The following PDE4D variants were observed in gnomAD, a reference collection of about 807,000 sequenced individuals.
PDE4D encodes 3',5'-cyclic-AMP phosphodiesterase 4D.
Under a neutral mutation model 87.4 loss-of-function variants are expected in PDE4D, and 24 were observed. The ratio of observed to expected loss-of-function variants is 0.27; its 90% CI spans 0.20 to 0.39. The LOEUF is 0.39. Among genes scored for constraint, PDE4D ranks in the 10% least tolerant of loss-of-function variants. The pLI is 1.00. For missense variants in PDE4D, 714 were observed against 1,041.0 expected (o/e 0.69, Z 4.32); for synonymous variants, 384 against 383.2 (o/e 1.00, Z -0.02).
chr5:59,738,531 G>A (rs1055909217), intron 1 of PDE4D, among the ~76,000 whole-genome samples: 1 of 151,914 alleles, frequency 6.6e-6, no homozygotes, highest in Admixed American at 6.6e-5. Context: ...CTCAAGAAAA[G>A]TAAACACATA....
intron 2 of PDE4D, among the ~76,000 whole-genome samples, chr5:60,002,163 G>A (rs1764084306): frequency 6.6e-6 from 1 of 151,794 alleles, no homozygotes; most frequent in Non-Finnish European, 1.5e-5. Context: ...GACAATAAGA[G>A]ACTCACTTAA....
At chr5:59,294,231 G>A (rs1768608120) in intron 1 of PDE4D, among the ~76,000 whole-genome samples, 1 of 152,066 alleles carries the variant, frequency 6.6e-6, no homozygotes, top group South Asian at 2.1e-4. Flanking sequence ...AGGGAATGAA[G>A]AGTAAAACTC....
rs1156467369 is a variant in PDE4D at position 59,649,905 on chromosome 5, C to CTTTTTTTTTTTTTTTTTTTTT, written c.455+243242_455+243262dup. 1.3e-3 allele frequency among the ~76,000 whole-genome samples: 94 copies of CTTTTTTTTTTTTTTTTTTTTT among 72,446 alleles called. 6 individuals are homozygous for CTTTTTTTTTTTTTTTTTTTTT. Among genetic ancestry groups the CTTTTTTTTTTTTTTTTTTTTT allele is most frequent in the South Asian group, 2.2e-3 (4 of 1,806 alleles). The allele number at this position is 72,446 out of a possible 152,430, so 47.5% of individuals were successfully genotyped here. A position where few individuals can be genotyped will look rare whatever the true frequency, so the allele number is the denominator to read the frequency against. Reference sequence around the variant, plus strand: ...GTTAAAATGTTGATAGTTTGTGAACCTTTTTTTTTTTTTTTTTTTTTTTTT... The same window carrying CTTTTTTTTTTTTTTTTTTTTT: ...GTTAAAATGTTGATAGTTTGTGAACCTTTTTTTTTTTTTTTTTTTTTTTTTTTTTTTTTTTTTTTTTTTTTT... On this transcript the variant is annotated intron_variant, in intron 1 of 14. Transcript: ENST00000340635.
chr5:60,315,631 A>G (rs569450785), intron 1 of PDE4D, among the ~76,000 whole-genome samples: 1 of 152,198 alleles, frequency 6.6e-6, no homozygotes, highest in East Asian at 1.9e-4. Context: ...TCTAACATTT[A>G]AGTCTTTAAT....
chr5:60,230,520 T>C (rs1745675590), intron 1 of PDE4D, among the ~76,000 whole-genome samples: 1 of 152,138 alleles, frequency 6.6e-6, no homozygotes, highest in African/African-American at 2.4e-5. Flanking sequence ...AGAGGGACTT[T>C]CACCACCAAT....
chr5:59,490,245 TAAAC>T (rs974541998), intron 1 of PDE4D, among the ~76,000 whole-genome samples: 3 of 152,150 alleles, frequency 2.0e-5, no homozygotes, highest in African/African-American at 7.2e-5. Context: ...TGGTTGAACT[TAAAC>T]AAAAATATTT....
chr5:60,011,443 A>G (rs1238007160), intron 2 of PDE4D, among the ~76,000 whole-genome samples: 3 of 152,138 alleles, frequency 2.0e-5, no homozygotes, highest in African/African-American at 7.2e-5. Context: ...GTCTGGTTAA[A>G]AATGACTGTT....
intron 2 of PDE4D, among the ~76,000 whole-genome samples, chr5:60,031,660 T>C (rs1021809423): frequency 2.0e-5 from 3 of 152,206 alleles, no homozygotes; most frequent in African/African-American, 7.2e-5. Flanking sequence ...ACCAAAGTTT[T>C]TTACTGGAAT....
rs375697919 is a variant in PDE4D, at chr5:60,306,134, C to T, written c.-89-120447G>A. 1.9e-4 allele frequency among the ~76,000 whole-genome samples: 29 copies of T among 152,022 alleles called. 1 individual carries two copies. The highest frequency in any genetic ancestry group is 7.7e-4 in the East Asian group (4 of 5,174). On this transcript the variant is annotated intron_variant, in intron 1 of 16. Transcript: ENST00000502484. ...CAAGAATGCATAAGTATGTGAAAGACGTACACATAATCCAGTGGAATTAAT... is the reference window on the plus strand; with the variant it reads ...CAAGAATGCATAAGTATGTGAAAGATGTACACATAATCCAGTGGAATTAAT...
chr5:59,480,162 A>C (rs1250072179), intron 1 of PDE4D, among the ~76,000 whole-genome samples: 1 of 151,938 alleles, frequency 6.6e-6, no homozygotes, highest in Admixed American at 6.6e-5. Context: ...AAATTCTCCA[A>C]GATTTTTGTT....
intron 1 of PDE4D, among the ~76,000 whole-genome samples, chr5:59,581,179 G>A (rs80341753): frequency 1.4e-3 from 214 of 152,226 alleles, no homozygotes; most frequent in Non-Finnish European, 2.2e-3. Flanking sequence ...GAGCATTAAC[G>A]TTTGTGGGAT....
chr5:59,250,719 C>A (rs1415496270), intron 1 of PDE4D, among the ~76,000 whole-genome samples: 1 of 151,976 alleles, frequency 6.6e-6, no homozygotes, highest in Non-Finnish European at 1.5e-5. Flanking sequence ...GCCCGAATAG[C>A]CAAGGCAATT....
intron 1 of PDE4D, among the ~76,000 whole-genome samples, chr5:59,293,184 A>G (rs1768382568): frequency 6.6e-6 from 1 of 152,196 alleles, no homozygotes; most frequent in Non-Finnish European, 1.5e-5. Flanking sequence ...AGGTTTGGAT[A>G]TATGAATGAC....
At chr5:60,409,575 T>C (rs575155101) in intron 1 of PDE4D, among the ~76,000 whole-genome samples, 122 of 152,326 alleles carry the variant, frequency 8.0e-4, no homozygotes, top group African/African-American at 2.8e-3. Flanking sequence ...GTATTGATTA[T>C]GCGCTTACTT....
At chr5:59,664,700 T>A (rs1365384032) in intron 1 of PDE4D, among the ~76,000 whole-genome samples, 1 of 152,192 alleles carries the variant, frequency 6.6e-6, no homozygotes, top group East Asian at 1.9e-4. Context: ...GCTCAGTGCC[T>A]AAATCTCAGA....
chr5:59,942,675 G>A (rs1757307686), intron 3 of PDE4D, among the ~76,000 whole-genome samples: 1 of 152,080 alleles, frequency 6.6e-6, no homozygotes, highest in Admixed American at 6.5e-5. Context: ...CCAGGTTATT[G>A]TTCTTCTTAC....
Position 59,102,230 on chromosome 5 carries a change from G to A in PDE4D, c.809-63259C>T, listed in dbSNP as rs867908936. On this transcript the variant is annotated intron_variant, in intron 5 of 14. Transcript: ENST00000340635. ...GCCTCCCAAGTAGCTGGGATTACAG[G>A]CATGTGCCACTACTCCTGGCTAATT... is the stretch of plus-strand genomic sequence containing the variant. 2.4e-4 allele frequency among the ~76,000 whole-genome samples: 37 copies of A among 151,932 alleles called. 1 individual carries two copies. The Middle Eastern group carries it at 0.014, about 56-fold the overall frequency.
intron 3 of PDE4D, among the ~76,000 whole-genome samples, chr5:59,934,230 GCGC>G (rs1272248815): frequency 2.6e-4 from 39 of 152,134 alleles, no homozygotes. Flanking sequence ...GCCTCTCAAA[GCGC>G]TGGAAAGTTT....
intron 1 of PDE4D, among the ~76,000 whole-genome samples, chr5:59,781,005 A>G (rs1375146444): frequency 2.6e-5 from 4 of 151,976 alleles, no homozygotes; most frequent in African/African-American, 9.7e-5. Flanking sequence ...TGTCTCTACT[A>G]AAAATGCAAA....
Sources: gnomAD v4.1 joint callset for allele counts (sites outside exome capture counted in the v4.1 genomes callset) on GRCh38, gnomAD v4.1.1 for gene constraint, MANE v1.5 for transcripts, NCBI Gene and HGNC (gene_info 2026-07-23, HGNC 2026-07-21) for gene names.